SLC39A10: variants seen among roughly 807,000 people sequenced by gnomAD.
SLC39A10 encodes zinc transporter ZIP10.
A neutral mutation model predicts 65.1 loss-of-function variants in SLC39A10; 13 were observed. That is an observed-to-expected ratio of 0.20 (90% CI 0.13 to 0.32). The LOEUF (loss-of-function observed/expected upper bound fraction) is 0.32. Among genes scored for constraint, SLC39A10 ranks in the 10% least tolerant of loss-of-function variants. The probability of loss-of-function intolerance (pLI) is 1.00; values close to 1 mark genes in which losing one functional copy is unlikely to be tolerated. For missense variants in SLC39A10, 831 were observed against 1,018.4 expected, an observed-to-expected ratio of 0.82 and a Z score of 2.50; for synonymous variants, 321 against 342.2, an observed-to-expected ratio of 0.94 and a Z score of 0.68.
At chr2:195,623,934 CA>C (rs1688404355) in intron 2 of SLC39A10, among the ~76,000 whole-genome samples, 7 of 151,680 alleles carry the variant, frequency 4.6e-5, no homozygotes, top group African/African-American at 1.7e-4. Flanking sequence ...CACACACACA[CA>C]CACACCGTCT....
chr2:195,617,592 C>T (rs1394943927), intron 2 of SLC39A10, among the ~76,000 whole-genome samples: 5 of 151,740 alleles, frequency 3.3e-5, no homozygotes, highest in South Asian at 2.1e-4. Context: ...CTGAGATGAC[C>T]GAGCATGGTG....
intron 2 of SLC39A10, among the ~76,000 whole-genome samples, chr2:195,618,138 G>C (rs1323709042): frequency 6.6e-6 from 1 of 151,922 alleles, no homozygotes; most frequent in Non-Finnish European, 1.5e-5. Flanking sequence ...ATCACCTGAG[G>C]TCAGGGGTTT....
chr2:195,653,416 T>C (rs568602736), upstream of SLC39A10, among the ~76,000 whole-genome samples: 1 of 151,924 alleles, frequency 6.6e-6, no homozygotes, highest in East Asian at 1.9e-4. Context: ...TGCCTTAGCC[T>C]CCCGAGTAGC....
At chr2:195,660,455 C>T (rs1316406237) in intron 1 of SLC39A10, among the ~76,000 whole-genome samples, 1 of 152,202 alleles carries the variant, frequency 6.6e-6, no homozygotes. Flanking sequence ...GCTGCCCAGC[C>T]TAACCCACAA....
At chr2:195,657,688 C>A in intron 1 of SLC39A10, 1 of 960,762 alleles carries the variant, frequency 1.0e-6, no homozygotes, top group Non-Finnish European at 1.2e-6. Context: ...GGGCTGCGCG[C>A]CGGCCGCGGA....
chr2:195,667,703 A>G (rs982537478), intron 1 of SLC39A10, among the ~76,000 whole-genome samples: 6 of 152,204 alleles, frequency 3.9e-5, no homozygotes, highest in African/African-American at 1.4e-4. Flanking sequence ...AAGTGTAGGT[A>G]TTATTTTCCC....
At chr2:195,703,668 T>G (rs1445688243) in intron 3 of SLC39A10, among the ~76,000 whole-genome samples, 4 of 152,202 alleles carry the variant, frequency 2.6e-5, no homozygotes, top group African/African-American at 9.7e-5. Context: ...AGAACTCTTT[T>G]TGTGAGACAG....
rs1385094943 is a variant in SLC39A10, at chr2:195,622,553, T to G, written c.-12+16320T>G. On this transcript the variant is annotated intron_variant, in intron 2 of 2. Coordinates refer to the SLC39A10 transcript ENST00000458054. ...AGCAGTTAGATGACAACACCAACACTGTTACTAGTCAGCCATGCCTTCCAG... is the reference window on the plus strand; with the variant it reads ...AGCAGTTAGATGACAACACCAACACGGTTACTAGTCAGCCATGCCTTCCAG... Among the ~76,000 whole-genome samples the G allele has an allele frequency of 5.3e-5, 8 of 152,358 alleles. No individual in the cohort carries two copies. In the East Asian group the frequency reaches 1.5e-3, roughly 29 times the overall value.
intron 3 of SLC39A10, among the ~76,000 whole-genome samples, chr2:195,701,707 G>A (rs528942024): frequency 3.3e-5 from 5 of 151,716 alleles, no homozygotes; most frequent in African/African-American, 1.2e-4. Flanking sequence ...TTTGAGACAG[G>A]ATCTCACTTT....
At position 195,716,665 on chromosome 2, in the gene SLC39A10, T is replaced by G. The variant is rs781647153; in HGVS notation, c.1725T>G (p.Asp575Glu). The change falls in exon 7 of 10, where the codon GAT becomes GAG. Residue 575 changes from aspartate to glutamate, a missense_variant. Asp to Glu is a conservative substitution (Grantham distance 45). This residue lies in a region of SLC39A10 where 230 missense variants were observed against 242.9 expected (regional missense o/e 0.95). Coordinates refer to ENST00000359634, the MANE Select transcript of SLC39A10 (RefSeq NM_020342.3). ...AGTDDSVVSEDRLNETELTDL... is the reference protein window; with the variant it reads ...AGTDDSVVSEERLNETELTDL... ...CTGATGACTCGGTTGTTTCTGAAGA[T>G]CGACTTAATGAAACTGAACTGACAG... The G allele has an allele frequency of 9.3e-6, 15 of 1,609,416 alleles. No individual in the cohort carries two copies. The highest frequency in any genetic ancestry group is 1.3e-5 in the Non-Finnish European group (15 of 1,178,100).
intron 2 of SLC39A10, among the ~76,000 whole-genome samples, chr2:195,637,163 T>A (rs1271486333): frequency 1.3e-5 from 2 of 152,062 alleles, no homozygotes; most frequent in African/African-American, 4.8e-5. Context: ...TCTTGGAAAA[T>A]GTTGAGAAAA....
chr2:195,623,711 A>G (rs935058893), intron 2 of SLC39A10, among the ~76,000 whole-genome samples: 1 of 152,198 alleles, frequency 6.6e-6, no homozygotes, highest in African/African-American at 2.4e-5. Flanking sequence ...GGGCAAAATG[A>G]ATTTACCATA....
intron 3 of SLC39A10, among the ~76,000 whole-genome samples, chr2:195,703,017 ATTC>A (rs910029586): frequency 3.3e-5 from 5 of 152,222 alleles, no homozygotes; most frequent in Non-Finnish European, 4.4e-5. Flanking sequence ...TGCATATTGT[ATTC>A]TTCTTTCAGA....
At chr2:195,674,735 G>A in intron 1 of SLC39A10, 1 of 808,912 alleles carries the variant, frequency 1.2e-6, no homozygotes, top group Non-Finnish European at 1.5e-6. Context: ...ACATCATAGA[G>A]TATACTTAGA....
At chr2:195,660,797 T>G (rs1459088778) in intron 1 of SLC39A10, among the ~76,000 whole-genome samples, 2 of 152,248 alleles carry the variant, frequency 1.3e-5, no homozygotes, top group Non-Finnish European at 2.9e-5. Flanking sequence ...ATATATTTAA[T>G]CTGGGCTTCT....
intron 5 of SLC39A10, among the ~76,000 whole-genome samples, chr2:195,709,244 T>C (rs1691519544): frequency 1.3e-5 from 2 of 151,494 alleles, no homozygotes; most frequent in Non-Finnish European, 2.9e-5. Context: ...TGTATGTATG[T>C]ATTTTGAGAC....
chr2:195,642,823 A>G (rs928186701), intron 2 of SLC39A10, among the ~76,000 whole-genome samples: 7 of 152,168 alleles, frequency 4.6e-5, no homozygotes, highest in Admixed American at 3.3e-4. Context: ...AATAATATAT[A>G]AGAGGACCCA....
At chr2:195,719,036 T>C (rs1236986351) in intron 8 of SLC39A10, among the ~76,000 whole-genome samples, 5 of 152,016 alleles carry the variant, frequency 3.3e-5, no homozygotes, top group Admixed American at 3.3e-4. Flanking sequence ...AAATAATCTT[T>C]AAAAACCTAT....
rs757590673 is a variant in SLC39A10, at chr2:195,680,859, C to T, written c.817C>T (p.His273Tyr). 2 of 1,614,128 alleles carry T rather than the reference C, an allele frequency of 1.2e-6. No homozygotes were observed. The highest frequency in any genetic ancestry group is 2.2e-5 in the East Asian group (1 of 44,872). Residue 273 changes from histidine to tyrosine, a missense_variant, in exon 2 of 10, where the codon CAT becomes TAT. His to Tyr is a moderately conservative substitution (Grantham distance 83). Transcript: ENST00000359634. ...HNRVHKPDRVHNPGHSHVHLP... is the reference protein window; with the variant it reads ...HNRVHKPDRVYNPGHSHVHLP... Reference sequence around the variant, plus strand: ...TCGGGTCCACAAACCTGATCGTGTACATAACCCAGGTCATTCTCATGTACA... The same window carrying T: ...TCGGGTCCACAAACCTGATCGTGTATATAACCCAGGTCATTCTCATGTACA...
Sources: allele counts gnomAD v4.1 joint callset (sites outside exome capture counted in the v4.1 genomes callset), GRCh38; gene constraint gnomAD v4.1.1; regional missense constraint gnomAD v4.1.1; transcripts MANE v1.5; gene names NCBI Gene and HGNC (gene_info 2026-07-23, HGNC 2026-07-21).